MAGI2: variants seen among roughly 807,000 people sequenced by gnomAD.
MAGI2 encodes membrane associated guanylate kinase, WW and PDZ domain containing 2, also known as membrane-associated guanylate kinase, WW and PDZ domain-containing protein 2.
MAGI2 carries 35 observed loss-of-function variants against 133.3 expected under a neutral mutation model. That is an observed-to-expected ratio of 0.26 (90% confidence interval 0.20 to 0.35). The LOEUF (loss-of-function observed/expected upper bound fraction) is 0.35. Ranked by LOEUF, MAGI2 falls within the 10% of genes least tolerant of loss-of-function variation. MAGI2 has a pLI of 1.00. For synonymous variants in MAGI2, 729 were observed against 710.6 expected (o/e 1.03, Z -0.41); for missense variants, 1,636 against 1,863.4 (o/e 0.88, Z 2.25).
chr7:78,703,511 G>C lies in MAGI2; in HGVS notation c.419-76272C>G, dbSNP rs1312356537. Among the ~76,000 whole-genome samples, 3 of 152,024 alleles carry C rather than the reference G, an allele frequency of 2.0e-5. No individual in the cohort carries two copies. The East Asian group carries it at 5.8e-4, about 29-fold the overall frequency. On this transcript the variant is annotated intron_variant, in intron 2 of 21. Transcript: ENST00000354212. ...TTTGCGTTGAATGGATACAGATACA[G>C]TTTTTCATCTTCATAACTCTGACTG... is the stretch of plus-strand genomic sequence containing the variant.
chr7:78,601,020 C>T (rs1299876059), intron 3 of MAGI2, among the ~76,000 whole-genome samples: 1 of 152,042 alleles, frequency 6.6e-6, no homozygotes, highest in Admixed American at 6.6e-5. Context: ...ATTTTGTCAA[C>T]ATAAAAATAA....
At chr7:78,435,138 G>C (rs1161874319) in intron 6 of MAGI2, among the ~76,000 whole-genome samples, 1 of 152,084 alleles carries the variant, frequency 6.6e-6, no homozygotes, top group African/African-American at 2.4e-5. Flanking sequence ...CTATAAATGG[G>C]GGTAATCTAA....
chr7:78,386,370 A>T (rs1467624128), intron 6 of MAGI2, among the ~76,000 whole-genome samples: 1 of 152,166 alleles, frequency 6.6e-6, no homozygotes, highest in Non-Finnish European at 1.5e-5. Context: ...AGCTGTGGGT[A>T]AGATTTCCTC....
rs375455090 is a variant in MAGI2, at chr7:78,255,752, T to C, written c.2047+191A>G. On this transcript the variant is annotated intron_variant, in intron 10 of 21. Transcript: ENST00000354212. ...TATTATTATTGTGTTTAATACAAAA[T>C]AGAAAAAGACATATTCTGAATTCAA... The C allele has an allele frequency of 1.3e-3, 888 of 659,214 alleles. 19 individuals carry two copies. The South Asian group carries it at 0.016, about 12-fold the overall frequency. The allele number at this position is 659,214 out of a possible 1,614,324, so 40.8% of individuals were successfully genotyped here.
intron 3 of MAGI2, among the ~76,000 whole-genome samples, chr7:78,530,557 T>A (rs1261832593): frequency 1.3e-5 from 2 of 152,196 alleles, no homozygotes; most frequent in African/African-American, 4.8e-5. Context: ...AGAGGGATTG[T>A]TGACTCATGG....
chr7:78,918,075 C>A (rs1798939172), intron 2 of MAGI2, among the ~76,000 whole-genome samples: 1 of 152,078 alleles, frequency 6.6e-6, no homozygotes, highest in Non-Finnish European at 1.5e-5. Flanking sequence ...AAAGTTCTAA[C>A]CCTCTGATTA....
Position 79,452,078 on chromosome 7 carries a change from G to A in MAGI2, c.301+942C>T, listed in dbSNP as rs184903494. 5.4e-4 allele frequency among the ~76,000 whole-genome samples: 82 copies of A among 151,272 alleles called. 1 individual carries two copies. The East Asian group carries it at 0.015, about 28-fold the overall frequency. On this transcript the variant is annotated intron_variant, in intron 1 of 21. Transcript: ENST00000354212. ...TTTAAGTCAGGTTGGAGCTGAGGGA[G>A]CCTGGGCTGGAACCGGCCAGGGTTT...
At chr7:79,180,844 A>T (rs923645967) in intron 1 of MAGI2, among the ~76,000 whole-genome samples, 1 of 151,956 alleles carries the variant, frequency 6.6e-6, no homozygotes. Flanking sequence ...CATTGGGTAA[A>T]TATGCCAATT....
chr7:78,527,384 A>C (rs1797070330), intron 3 of MAGI2, among the ~76,000 whole-genome samples: 1 of 152,140 alleles, frequency 6.6e-6, no homozygotes, highest in Admixed American at 6.6e-5. Context: ...GTTGTATTTT[A>C]AGTTTCTAAA....
intron 2 of MAGI2, among the ~76,000 whole-genome samples, chr7:78,802,695 A>G (rs1788176884): frequency 6.6e-6 from 1 of 152,160 alleles, no homozygotes; most frequent in South Asian, 2.1e-4. Flanking sequence ...AACACCAAGA[A>G]TGAACGCTAA....
intron 2 of MAGI2, among the ~76,000 whole-genome samples, chr7:78,749,336 C>A (rs1387233002): frequency 6.6e-6 from 1 of 152,016 alleles, no homozygotes; most frequent in Non-Finnish European, 1.5e-5. Context: ...ATTAAAGAGA[C>A]CATAACAGGC....
At chr7:78,150,137 A>G (rs1342443867) in intron 16 of MAGI2, among the ~76,000 whole-genome samples, 1 of 152,232 alleles carries the variant, frequency 6.6e-6, no homozygotes, top group Non-Finnish European at 1.5e-5. Flanking sequence ...TTGGTGTGGT[A>G]GGAAAGAGTT....
chr7:79,244,617 C>A (rs1832689161), intron 1 of MAGI2, among the ~76,000 whole-genome samples: 1 of 152,198 alleles, frequency 6.6e-6, no homozygotes, highest in African/African-American at 2.4e-5. Context: ...AGGGTTCTAG[C>A]AAGCCTCACT....
At chr7:79,138,620 T>C (rs1178532295) in intron 1 of MAGI2, among the ~76,000 whole-genome samples, 1 of 152,096 alleles carries the variant, frequency 6.6e-6, no homozygotes, top group African/African-American at 2.4e-5. Flanking sequence ...ATGTGACTGG[T>C]CTTGGAGACA....
At chr7:78,496,020 C>T (rs1357087763) in intron 5 of MAGI2, among the ~76,000 whole-genome samples, 1 of 152,050 alleles carries the variant, frequency 6.6e-6, no homozygotes, top group Non-Finnish European at 1.5e-5. Flanking sequence ...TTGCTGCATA[C>T]CAAAAATTTG....
At chr7:79,032,514 ACT>A (rs1350088021) in intron 1 of MAGI2, among the ~76,000 whole-genome samples, 1 of 126,734 alleles carries the variant, frequency 7.9e-6, no homozygotes. Context: ...CAAGACTCTG[ACT>A]CAGAAAAAAA....
intron 1 of MAGI2, among the ~76,000 whole-genome samples, chr7:79,052,952 G>C (rs1259372606): frequency 6.6e-6 from 1 of 152,030 alleles, no homozygotes; most frequent in Non-Finnish European, 1.5e-5. Context: ...TGTTACACAA[G>C]ACAAGGCCTC....
intron 15 of MAGI2, among the ~76,000 whole-genome samples, chr7:78,166,025 T>C (rs1348978503): frequency 1.3e-5 from 2 of 152,172 alleles, no homozygotes; most frequent in Non-Finnish European, 2.9e-5. Flanking sequence ...GAACGAGCAA[T>C]CTGCAGCATA....
intron 6 of MAGI2, among the ~76,000 whole-genome samples, chr7:78,381,968 C>T (rs898086626): frequency 3.3e-5 from 5 of 152,134 alleles, no homozygotes; most frequent in African/African-American, 1.2e-4. Flanking sequence ...TTATCTTCAA[C>T]AATACTTTTT....
Sources: gnomAD v4.1 joint callset for allele counts (sites outside exome capture counted in the v4.1 genomes callset) on GRCh38, gnomAD v4.1.1 for gene constraint, MANE v1.5 for transcripts, NCBI Gene and HGNC (gene_info 2026-07-23, HGNC 2026-07-21) for gene names.